Variants in ZNF14 observed in about 807,000 individuals in gnomAD.
ZNF14 encodes the protein gonadotropin inducible transcription repressor-4.
ZNF14 carries 9 observed loss-of-function variants against 11.3 expected under a neutral mutation model. The ratio of observed to expected loss-of-function variants is 0.80; its 90% CI spans 0.48 to 1.39. The LOEUF is 1.39. Among genes scored for constraint, ZNF14 ranks in the 40% most tolerant of loss-of-function variants. The pLI, the probability that ZNF14 is intolerant of heterozygous loss-of-function variation, is 0.00. For missense variants in ZNF14, 711 were observed against 763.9 expected (o/e 0.93, Z 0.82); for synonymous variants, 239 against 245.7 (o/e 0.97, Z 0.25).
rs2062371875 is a variant in ZNF14, at chr19:19,714,465, A to G, written c.26T>C (p.Val9Ala). 1 of 1,613,926 alleles carries G rather than the reference A, an allele frequency of 6.2e-7. No individual in the cohort carries two copies. Among genetic ancestry groups the G allele is most frequent in the South Asian group, 1.1e-5 (1 of 91,064 alleles). Reference sequence around the variant, plus strand: ...CTCCTCCAGGGTGAAGTTCACGGCCACATCCTCAAAGGAGACTGAGTCCTG... The same window carrying G: ...CTCCTCCAGGGTGAAGTTCACGGCCGCATCCTCAAAGGAGACTGAGTCCTG... MDSVSFED[V>A]AVNFTLEEWA... is the part of the protein sequence containing the mutation. The change falls in exon 2 of 4, where the codon GTG (valine) becomes GCG (alanine). Residue 9 changes from valine to alanine, a missense_variant. Coordinates refer to ENST00000344099, the MANE Select transcript of ZNF14 (RefSeq NM_021030.3).
Position 19,712,918 on chromosome 19 carries a change from G to C in ZNF14, c.363C>G (p.His121Gln), listed in dbSNP as rs148475961. ...DFIHHSSLNRHMRSHTGQKPN... is the reference protein window; with the variant it reads ...DFIHHSSLNRQMRSHTGQKPN... ...GTTTCTGTCCAGTGTGAGATCTCATGTGCCTATTAAGGGACGAATGATGAA... is the reference window on the plus strand; with the variant it reads ...GTTTCTGTCCAGTGTGAGATCTCATCTGCCTATTAAGGGACGAATGATGAA... The change falls in exon 4 of 4, where the codon CAC becomes CAG. Residue 121 changes from histidine to glutamine, a missense_variant. His to Gln is a conservative substitution (Grantham distance 24, BLOSUM62 0). Coordinates refer to ENST00000344099, the MANE Select transcript of ZNF14 (RefSeq NM_021030.3). The C allele has an allele frequency of 5.6e-6, 9 of 1,614,152 alleles. No individual in the cohort carries two copies. Among genetic ancestry groups the C allele is most frequent in the Non-Finnish European group, 7.6e-6 (9 of 1,180,012 alleles).
rs182451421 is a variant in ZNF14 at position 19,711,504 on chromosome 19, C to T, written c.1777G>A (p.Gly593Arg). Residue 593 changes from glycine (G) to arginine (R), a missense_variant, in exon 4 of 4, where the codon GGG (glycine) becomes AGG (arginine). Gly to Arg is a moderately radical substitution (Grantham distance 125, BLOSUM62 -2). Transcript: ENST00000344099. ...GAACTTGAAAATCTGAAGGCTTTCCCACATTGTTTACATCGATAGGGTTTC... is the reference window on the plus strand; with the variant it reads ...GAACTTGAAAATCTGAAGGCTTTCCTACATTGTTTACATCGATAGGGTTTC... ...GEKPYRCKQC[G>R]KAFRFSSSVR... 17 of 1,613,700 alleles carry T rather than the reference C, an allele frequency of 1.1e-5. No homozygotes were observed. The African/African-American group carries it at 1.9e-4, about 18-fold the overall frequency.
intron 1 of ZNF14, among the ~76,000 whole-genome samples, chr19:19,722,485 ATAGTTTGAAGTCAGG>A (rs1465204717): frequency 6.6e-6 from 1 of 152,064 alleles, no homozygotes; most frequent in Non-Finnish European, 1.5e-5. Flanking sequence ...GCCTTGTAGT[ATAGTTTGAAGTCAGG>A]TAGCGTGATG....
chr19:19,731,795 C>A (rs1313056713), intron 1 of ZNF14, among the ~76,000 whole-genome samples: 2 of 152,054 alleles, frequency 1.3e-5, no homozygotes, highest in Non-Finnish European at 2.9e-5. Flanking sequence ...TAGCCGGGCG[C>A]GGTGGCTCAC....
chr19:19,722,548 C>T (rs2062395854), intron 1 of ZNF14, among the ~76,000 whole-genome samples: 1 of 152,162 alleles, frequency 6.6e-6, no homozygotes, highest in South Asian at 2.1e-4. Flanking sequence ...ATTGTCTTTG[C>T]TATATGGGCT....
intron 1 of ZNF14, among the ~76,000 whole-genome samples, chr19:19,716,965 T>C (rs1316038022): frequency 6.6e-6 from 1 of 152,144 alleles, no homozygotes; most frequent in Non-Finnish European, 1.5e-5. Context: ...AGGTGAACCG[T>C]TTTTTGTCTT....
In ZNF14 at chr19:19,711,430, G is replaced by C. The variant is rs1330565135; in HGVS notation, c.1851C>G (p.Cys617Trp). ...AAATGAAGGCTTTTCCACATTGTTT[G>C]CATTCATAAGGTTTCTCTCCAGTGT... ...RSHTGEKPYE[C>W]KQCGKAFISS... The change falls in exon 4 of 4, where the codon TGC becomes TGG. Residue 617 changes from cysteine to tryptophan, a missense_variant. Transcript: ENST00000344099. 3 of 1,604,828 alleles carry C rather than the reference G, an allele frequency of 1.9e-6. No individual in the cohort carries two copies. In the African/African-American group the frequency reaches 4.0e-5, roughly 22 times the overall value.
chr19:19,716,045 T>C (rs752586324), intron 1 of ZNF14, among the ~76,000 whole-genome samples: 1 of 152,086 alleles, frequency 6.6e-6, no homozygotes, highest in Non-Finnish European at 1.5e-5. Flanking sequence ...CTCTACAAAA[T>C]TTGTATACCA....
chr19:19,716,190 G>A (rs1214996783), intron 1 of ZNF14, among the ~76,000 whole-genome samples: 4 of 152,184 alleles, frequency 2.6e-5, no homozygotes, highest in Non-Finnish European at 5.9e-5. Flanking sequence ...TGGATTGAAT[G>A]TCTCACCAGC....
chr19:19,728,515 C>CAAAAA (rs56355771), intron 1 of ZNF14, among the ~76,000 whole-genome samples: 5 of 53,888 alleles, frequency 9.3e-5, no homozygotes, highest in African/African-American at 1.5e-4. Flanking sequence ...AACTCCGTCT[C>CAAAAA]AAAAAAAAAA....
At position 19,711,601 on chromosome 19, in the gene ZNF14, T is replaced by A. The variant is rs754595810; in HGVS notation, c.1680A>T (p.Gln560His). 2 of 1,614,176 alleles carry A rather than the reference T, an allele frequency of 1.2e-6. No individual in the cohort carries two copies. Among genetic ancestry groups the A allele is most frequent in the Admixed American group, 3.3e-5 (2 of 60,020 alleles). The change falls in exon 4 of 4, where the codon CAA becomes CAT. Residue 560 changes from glutamine (Q) to histidine (H), a missense_variant. Coordinates refer to ENST00000344099, the MANE Select transcript of ZNF14 (RefSeq NM_021030.3). ...TGAAGGCTTTTCCACATTGTTTACA[T>A]TGATACGGTTTCTCTCCAGTGTGAG... ...ERTHTGEKPY[Q>H]CKQCGKAFIS...
At chr19:19,723,268 T>C (rs1054262203) in intron 1 of ZNF14, among the ~76,000 whole-genome samples, 5 of 152,218 alleles carry the variant, frequency 3.3e-5, no homozygotes, top group Non-Finnish European at 7.3e-5. Flanking sequence ...ACCTAGTTTA[T>C]TGGGAGTTTT....
rs199719131 is a variant in ZNF14, at chr19:19,711,368, A to C, written c.1913T>G (p.Met638Arg). The change falls in exon 4 of 4, where the codon ATG becomes AGG. Residue 638 changes from methionine to arginine, a missense_variant. Physicochemically the swap from Met to Arg is moderately conservative, Grantham distance 91 (BLOSUM62 -1). Transcript: ENST00000344099. ...CTTATATTCTTAGACTTTCTCTCCC[A>C]TATGAGTCCTTTCATGCAGTCGAAA... is the stretch of plus-strand genomic sequence containing the variant. ...SHFRLHERTH[M>R]GEKV 6.8e-5 allele frequency: 106 copies of C among 1,561,746 alleles called. No individual in the cohort carries two copies. The highest frequency in any genetic ancestry group is 6.7e-4 in the East Asian group (30 of 44,600).
intron 1 of ZNF14, among the ~76,000 whole-genome samples, chr19:19,726,393 GA>G (rs1389687119): frequency 7.4e-6 from 1 of 134,262 alleles, no homozygotes; most frequent in African/African-American, 2.8e-5. Context: ...GGAGGCTGCA[GA>G]ACAGCAAATA....
At position 19,724,929 on chromosome 19, in the gene ZNF14, G is replaced by C. The variant is rs1649310096; in HGVS notation, c.3+8027C>G. 4.5e-5 allele frequency among the ~76,000 whole-genome samples: 6 copies of C among 132,874 alleles called. 3 individuals carry two copies. Among genetic ancestry groups the C allele is most frequent in the Admixed American group, 1.5e-4 (2 of 13,540 alleles). The allele number at this position is 132,874 out of a possible 152,430, so 87.2% of individuals were successfully genotyped here. A position where few individuals can be genotyped will look rare whatever the true frequency, so the allele number is the denominator to read the frequency against. ...CCCTACTTTTGTTTGTTTTCCATTT[G>C]GTTGGTAGATCTTCCTTTGTCCCTT... On this transcript the variant is annotated intron_variant, in intron 1 of 3. Coordinates refer to ENST00000344099, the MANE Select transcript of ZNF14 (RefSeq NM_021030.3).
Position 19,712,771 on chromosome 19 carries a change from T to C in ZNF14, c.510A>G (p.Glu170=). 6.2e-7 allele frequency: 1 copy of C among 1,614,048 alleles called. No individual in the cohort carries two copies. Among genetic ancestry groups the C allele is most frequent in the Admixed American group, 1.7e-5 (1 of 59,996 alleles). The change falls in exon 4 of 4, where the codon GAA becomes GAG. Residue 170 remains glutamate (E), a synonymous_variant. Transcript: ENST00000344099. The part of the protein sequence containing the change: ...ERTHTGVKPY[E]CKQCGKAFIY... ...TAAAGGCTTTCCCACACTGTTTACA[T>C]TCATAGGGCTTCACTCCAGTGTGAG...
In ZNF14 at chr19:19,711,409, G is replaced by A. The variant is rs1178265410; in HGVS notation, c.1872C>T (p.Phe624=). Reference sequence around the variant, plus strand: ...GCAGTCGAAAGTGACTGGAAGAAATGAAGGCTTTTCCACATTGTTTGCATT... The same window carrying A: ...GCAGTCGAAAGTGACTGGAAGAAATAAAGGCTTTTCCACATTGTTTGCATT... The part of the protein sequence containing the change: ...PYECKQCGKA[F]ISSSHFRLHE... The change falls in exon 4 of 4, where the codon TTC becomes TTT. Residue 624 remains phenylalanine, a synonymous_variant. Coordinates refer to ENST00000344099, the MANE Select transcript of ZNF14 (RefSeq NM_021030.3). 1 of 1,596,468 alleles carries A rather than the reference G, an allele frequency of 6.3e-7. No homozygotes were observed. Among genetic ancestry groups the A allele is most frequent in the Admixed American group, 1.8e-5 (1 of 55,888 alleles).
chr19:19,717,738 C>T (rs139685370), intron 1 of ZNF14, among the ~76,000 whole-genome samples: 107 of 152,262 alleles, frequency 7.0e-4, no homozygotes, highest in Middle Eastern at 6.8e-3. Flanking sequence ...CATCACAGCT[C>T]GGGCACAGGC....
In ZNF14 at chr19:19,712,853, C is replaced by T. The variant is rs757924876; in HGVS notation, c.428G>A (p.Cys143Tyr). ...ACTGAAGGTTTTCCCAACTGCTTTACATTTACATGGTTGCTTTTCATATTC... is the reference window on the plus strand; with the variant it reads ...ACTGAAGGTTTTCCCAACTGCTTTATATTTACATGGTTGCTTTTCATATTC... ...YQEYEKQPCK[C>Y]KAVGKTFSYH... Residue 143 changes from cysteine (C) to tyrosine (Y), a missense_variant, in exon 4 of 4, where the codon TGT becomes TAT. Transcript: ENST00000344099. The T allele has an allele frequency of 3.1e-6, 5 of 1,614,184 alleles. No individual in the cohort carries two copies. In the East Asian group the frequency reaches 8.9e-5, roughly 29 times the overall value.
Sources: allele counts gnomAD v4.1 joint callset (sites outside exome capture counted in the v4.1 genomes callset), GRCh38; gene constraint gnomAD v4.1.1; transcripts MANE v1.5; gene names NCBI Gene and HGNC (gene_info 2026-07-23, HGNC 2026-07-21).